The following FARP1 variants were observed in gnomAD, a reference collection of about 807,000 sequenced individuals.
The protein encoded by FARP1 is FERM, ARH/RhoGEF and pleckstrin domain protein 1.
FARP1 carries 52 observed loss-of-function variants against 128.8 expected under a neutral mutation model. The ratio of observed to expected loss-of-function variants is 0.40; its 90% CI spans 0.32 to 0.51. The LOEUF (loss-of-function observed/expected upper bound fraction) is 0.51. FARP1 is among the 20% of genes least tolerant of loss of function. The pLI, the probability that FARP1 is intolerant of heterozygous loss-of-function variation, is 0.45. For missense variants in FARP1, 1,333 were observed against 1,367.9 expected (o/e 0.97, Z 0.40); for synonymous variants, 580 against 551.8 (o/e 1.05, Z -0.72).
chr13:98,287,666 A>G (rs1885250132), intron 2 of FARP1, among the ~76,000 whole-genome samples: 2 of 152,102 alleles, frequency 1.3e-5, no homozygotes, highest in South Asian at 4.1e-4. Context: ...TTCCTAAGCT[A>G]CAGTTGATTT....
chr13:98,183,217 C>G (rs1878644767), intron 1 of FARP1, among the ~76,000 whole-genome samples: 1 of 152,114 alleles, frequency 6.6e-6, no homozygotes, highest in South Asian at 2.1e-4. Context: ...TTGTTCTCTG[C>G]CTCTGTTTAC....
chr13:98,332,593 C>T (rs1226727442), intron 2 of FARP1: 1 of 152,198 alleles, frequency 6.6e-6, no homozygotes, highest in East Asian at 1.9e-4. Flanking sequence ...TGTTTTCATA[C>T]TTCAGTTTGA....
chr13:98,444,175 C>T (rs374286991), intron 24 of FARP1, among the ~76,000 whole-genome samples: 205 of 152,254 alleles, frequency 1.3e-3, no homozygotes, highest in African/African-American at 4.8e-3. Context: ...GCTGTCCTCC[C>T]TGTATCTGCA....
chr13:98,265,536 G>A (rs1336661383), intron 2 of FARP1, among the ~76,000 whole-genome samples: 5 of 151,096 alleles, frequency 3.3e-5, no homozygotes, highest in Admixed American at 6.6e-5. Flanking sequence ...AGCCGGGATG[G>A]TCTCGATCTC....
At chr13:98,433,555 C>G (rs1305134163) in intron 18 of FARP1, 1 of 152,224 alleles carries the variant, frequency 6.6e-6, no homozygotes, top group Admixed American at 6.6e-5. Flanking sequence ...ACAGTGAGAC[C>G]TTGTCTCTAC....
chr13:98,416,827 A>T (rs529339637), intron 16 of FARP1, among the ~76,000 whole-genome samples: 1 of 152,194 alleles, frequency 6.6e-6, no homozygotes, highest in African/African-American at 2.4e-5. Flanking sequence ...ACAAAACTCC[A>T]CTTACGAGCC....
At position 98,404,047 on chromosome 13, in the gene FARP1, C is replaced by G. The variant is rs533961093; in HGVS notation, c.1415-5291C>G. ...CCACCACCACTGCTACTACCAACAT[C>G]ACCACCACCATCACCACCACCGTGT... On this transcript the variant is annotated intron_variant, in intron 13 of 26. Transcript: ENST00000319562. 5.7e-4 allele frequency: 89 copies of G among 154,872 alleles called. 2 individuals are homozygous for G. The South Asian group carries it at 0.015, about 25-fold the overall frequency. 9.6% of individuals were successfully genotyped at this position (154,872 alleles called of 1,614,324 possible).
intron 5 of FARP1, among the ~76,000 whole-genome samples, chr13:98,370,642 G>C (rs1175684650): frequency 6.6e-6 from 1 of 152,036 alleles, no homozygotes; most frequent in Admixed American, 6.6e-5. Context: ...GGACTGTTGG[G>C]GAGTGGAGAG....
intron 2 of FARP1, among the ~76,000 whole-genome samples, chr13:98,337,056 C>A (rs1372295112): frequency 2.6e-5 from 4 of 152,068 alleles, no homozygotes; most frequent in Non-Finnish European, 4.4e-5. Context: ...CCAGCACAAA[C>A]CCTTGAGGAC....
intron 1 of FARP1, among the ~76,000 whole-genome samples, chr13:98,158,483 T>A (rs1376161805): frequency 6.6e-6 from 1 of 152,128 alleles, no homozygotes; most frequent in South Asian, 2.1e-4. Flanking sequence ...GGGGAGATGG[T>A]TATTCCAAGG....
intron 6 of FARP1, among the ~76,000 whole-genome samples, chr13:98,379,037 A>G (rs1356014616): frequency 5.9e-5 from 5 of 85,244 alleles, no homozygotes; most frequent in African/African-American, 1.5e-4. Context: ...TATATAATAT[A>G]TACAATATGT....
At chr13:98,171,150 C>G (rs557002109) in intron 1 of FARP1, among the ~76,000 whole-genome samples, 25 of 152,334 alleles carry the variant, frequency 1.6e-4, no homozygotes, top group African/African-American at 4.6e-4. Flanking sequence ...TAGACTGATT[C>G]TTCCTCAATT....
At chr13:98,352,225 C>T (rs1027057051) in intron 3 of FARP1, among the ~76,000 whole-genome samples, 5 of 152,066 alleles carry the variant, frequency 3.3e-5, no homozygotes, top group Admixed American at 2.6e-4. Context: ...TGCACGCCAT[C>T]GGTGTGTGTT....
intron 2 of FARP1, among the ~76,000 whole-genome samples, chr13:98,227,175 C>T (rs1594294266): frequency 6.6e-6 from 1 of 152,098 alleles, no homozygotes; most frequent in Non-Finnish European, 1.5e-5. Flanking sequence ...ATCTCCTGAC[C>T]TCATGATCCG....
intron 1 of FARP1, among the ~76,000 whole-genome samples, chr13:98,161,437 G>A (rs543366427): frequency 6.6e-6 from 1 of 151,848 alleles, no homozygotes; most frequent in Admixed American, 6.6e-5. Flanking sequence ...GGCTGGTCTC[G>A]ATCTCCTGAC....
intron 2 of FARP1, among the ~76,000 whole-genome samples, chr13:98,303,336 A>T (rs1374776331): frequency 1.3e-5 from 2 of 152,228 alleles, no homozygotes; most frequent in African/African-American, 4.8e-5. Flanking sequence ...AGTCCTAGAA[A>T]TGTACTAAAA....
intron 1 of FARP1, among the ~76,000 whole-genome samples, chr13:98,161,437 G>C (rs543366427): frequency 6.6e-6 from 1 of 151,966 alleles, no homozygotes; most frequent in African/African-American, 2.4e-5. Context: ...GGCTGGTCTC[G>C]ATCTCCTGAC....
intron 2 of FARP1, among the ~76,000 whole-genome samples, chr13:98,298,536 C>G (rs1253131519): frequency 6.6e-6 from 1 of 152,064 alleles, no homozygotes; most frequent in African/African-American, 2.4e-5. Flanking sequence ...AATTTTTTTC[C>G]CCTTACCTGT....
chr13:98,268,820 A>G (rs1362552098), intron 2 of FARP1, among the ~76,000 whole-genome samples: 7 of 135,654 alleles, frequency 5.2e-5, no homozygotes, highest in Non-Finnish European at 9.4e-5. Flanking sequence ...GTGTGTGTGT[A>G]TACAGCTTCC....
Sources: allele counts gnomAD v4.1 joint callset (sites outside exome capture counted in the v4.1 genomes callset), GRCh38; gene constraint gnomAD v4.1.1; transcripts MANE v1.5; gene names NCBI Gene and HGNC (gene_info 2026-07-23, HGNC 2026-07-21).